The following TTC7A variants were observed in gnomAD, a reference collection of about 807,000 sequenced individuals.
TTC7A encodes the protein tetratricopeptide repeat protein 7A.
In TTC7A, 110 loss-of-function variants were observed where a neutral mutation model predicts 103.7. The observed-to-expected ratio is 1.06, with a 90% CI of 0.91 to 1.24. The LOEUF (loss-of-function observed/expected upper bound fraction) is 1.24. Among genes scored for constraint, TTC7A ranks in the 50% most tolerant of loss-of-function variants. The pLI is 0.00. For synonymous variants in TTC7A, 521 were observed against 467.9 expected, an observed-to-expected ratio of 1.11 and a Z score of -1.47; for missense variants, 1,340 against 1,116.3, an observed-to-expected ratio of 1.20 and a Z score of -2.86.
chr2:47,026,443 A>G (rs995448030), intron 14 of TTC7A, among the ~76,000 whole-genome samples: 3 of 152,174 alleles, frequency 2.0e-5, no homozygotes, highest in African/African-American at 7.2e-5. Flanking sequence ...CACAGCCTGC[A>G]CAGAGGCCAG....
upstream of TTC7A, among the ~76,000 whole-genome samples, chr2:46,940,061 A>G (rs1336082483): frequency 1.3e-5 from 2 of 152,130 alleles, no homozygotes; most frequent in African/African-American, 2.4e-5. This position sits in a 1 kb window ranked among gnomAD's most constrained non-coding sequence, Gnocchi z 4.7. Context: ...GTCGGGGGTC[A>G]GTGGGAACAG....
intron 3 of TTC7A, among the ~76,000 whole-genome samples, chr2:46,958,313 G>A (rs1672067328): frequency 6.6e-6 from 1 of 152,230 alleles, no homozygotes; most frequent in African/African-American, 2.4e-5. Context: ...TGCGCCTCTG[G>A]CACAGGCCAG....
chr2:46,942,726 T>C (rs1391014007), intron 1 of TTC7A, among the ~76,000 whole-genome samples: 1 of 152,194 alleles, frequency 6.6e-6, no homozygotes, highest in Non-Finnish European at 1.5e-5. Context: ...CCAGGATTTG[T>C]GCCCAGGTTT....
intron 5 of TTC7A, among the ~76,000 whole-genome samples, chr2:46,983,230 A>G (rs1400064084): frequency 6.6e-6 from 1 of 152,214 alleles, no homozygotes; most frequent in Non-Finnish European, 1.5e-5. Context: ...AGGGCCTGCC[A>G]TGGAGTCCTG....
At chr2:46,931,793 G>A (rs1019768617) in intron 2 of TTC7A, among the ~76,000 whole-genome samples, 29 of 152,252 alleles carry the variant, frequency 1.9e-4, no homozygotes, top group African/African-American at 6.3e-4. Flanking sequence ...CCAACACCTT[G>A]ATTTAGTTCA....
intron 11 of TTC7A, among the ~76,000 whole-genome samples, chr2:47,021,109 T>A (rs1388161054): frequency 6.6e-6 from 1 of 152,182 alleles, no homozygotes; most frequent in African/African-American, 2.4e-5. Context: ...AAACTGGCGT[T>A]TTCAATGACA....
intron 15 of TTC7A, among the ~76,000 whole-genome samples, chr2:47,041,966 C>G (rs1031998145): frequency 1.3e-5 from 2 of 151,892 alleles, no homozygotes; most frequent in African/African-American, 2.4e-5. Context: ...GAAGTCCCAC[C>G]AAGTATGAGA....
intron 11 of TTC7A, among the ~76,000 whole-genome samples, chr2:47,016,159 A>G (rs1343818272): frequency 1.3e-5 from 2 of 152,172 alleles, no homozygotes; most frequent in South Asian, 4.2e-4. Flanking sequence ...ACCAAATTCG[A>G]AACACTGGAG....
At chr2:46,949,316 A>T (rs1257506921) in intron 1 of TTC7A, among the ~76,000 whole-genome samples, 1 of 150,854 alleles carries the variant, frequency 6.6e-6, no homozygotes, top group Non-Finnish European at 1.5e-5. Flanking sequence ...GCTCACTGCA[A>T]CCTCCGTCTC....
Position 46,917,266 on chromosome 2 carries a change from G to A in TTC7A, c.71G>A (p.Trp24Ter), listed in dbSNP as rs1321173994. 3 of 687,812 alleles carry A rather than the reference G, an allele frequency of 4.4e-6. No individual in the cohort carries two copies. The highest frequency in any genetic ancestry group is 7.9e-6 in the Non-Finnish European group (3 of 380,778). The allele number at this position is 687,812 out of a possible 1,614,324, so 42.6% of individuals were successfully genotyped here. The change falls in exon 2 of 21, where the codon TGG becomes TAG. Residue 24 changes from tryptophan to a stop codon, truncating the protein, a stop_gained. Transcript: ENST00000409245. LOFTEE classifies it high-confidence loss of function. ...CACCACCTCCGCCTCCCAAAGTGCT[G>A]GGATTACAGGGGTGAGCCACCGCGC... is the stretch of plus-strand genomic sequence containing the variant.
intron 19 of TTC7A, among the ~76,000 whole-genome samples, chr2:47,063,078 A>G (rs1461493567): frequency 6.6e-6 from 1 of 152,240 alleles, no homozygotes; most frequent in Non-Finnish European, 1.5e-5. Context: ...TGAACACTTT[A>G]GTGAGTCGAT....
chr2:47,068,154 T>G (rs1312782085), intron 19 of TTC7A: 1 of 152,232 alleles, frequency 6.6e-6, no homozygotes, highest in East Asian at 1.9e-4. Flanking sequence ...CCTACCGCCA[T>G]GCCGGTTCAG....
chr2:46,987,809 CGTGTGT>C (rs34664382), intron 5 of TTC7A, among the ~76,000 whole-genome samples: 2,537 of 144,612 alleles, frequency 0.018, 51 homozygotes, highest in African/African-American at 0.045. Flanking sequence ...CCTTTCCGCG[CGTGTGT>C]GTGTGTGTGT....
intron 4 of TTC7A, among the ~76,000 whole-genome samples, chr2:46,976,857 T>G (rs1019859427): frequency 1.4e-4 from 22 of 152,226 alleles, no homozygotes; most frequent in Middle Eastern, 3.4e-3. Context: ...GTCTGCTTGA[T>G]TGGACTTTAG....
chr2:47,023,801 CAG>C (rs1161981847), intron 13 of TTC7A, among the ~76,000 whole-genome samples: 3 of 152,110 alleles, frequency 2.0e-5, no homozygotes, highest in African/African-American at 4.8e-5. Flanking sequence ...CTATGTGTAA[CAG>C]GGGCTCAAAA....
At chr2:47,008,454 A>G (rs905035513) in intron 10 of TTC7A, among the ~76,000 whole-genome samples, 5 of 152,200 alleles carry the variant, frequency 3.3e-5, no homozygotes, top group African/African-American at 7.2e-5. Flanking sequence ...GCCTGGCACC[A>G]TCCCAGCATC....
intron 11 of TTC7A, among the ~76,000 whole-genome samples, chr2:47,014,073 C>G (rs1678362431): frequency 6.6e-6 from 1 of 152,156 alleles, no homozygotes; most frequent in Non-Finnish European, 1.5e-5. Context: ...CTTTGAAACC[C>G]CAGCCCAGGG....
At chr2:46,973,495 A>G (rs1016330690) in intron 3 of TTC7A, among the ~76,000 whole-genome samples, 5 of 152,352 alleles carry the variant, frequency 3.3e-5, no homozygotes, top group South Asian at 4.1e-4. Flanking sequence ...CCACTGCCGC[A>G]GGTTGCCGGT....
In TTC7A at chr2:47,007,770, A is replaced by G. The variant is rs990651291; in HGVS notation, c.1287+1046A>G. On this transcript the variant is annotated intron_variant, in intron 10 of 19. Coordinates refer to ENST00000319190, the MANE Select transcript of TTC7A (RefSeq NM_020458.4). The surrounding 1 kb of genome is among the most constrained non-coding windows in gnomAD (Gnocchi z 4.9). Reference sequence around the variant, plus strand: ...CCTTCCCTACCCCCATCTGCTGGGCATGTGTCTTTCCAAACCTCTCTCCTC... The same window carrying G: ...CCTTCCCTACCCCCATCTGCTGGGCGTGTGTCTTTCCAAACCTCTCTCCTC... Among the ~76,000 whole-genome samples, 2 of 152,144 alleles carry G rather than the reference A, an allele frequency of 1.3e-5. No individual in the cohort carries two copies. Among genetic ancestry groups the G allele is most frequent in the African/African-American group, 4.8e-5 (2 of 41,436 alleles).
Sources: allele counts gnomAD v4.1 joint callset (sites outside exome capture counted in the v4.1 genomes callset), GRCh38; gene constraint gnomAD v4.1.1; non-coding constraint Gnocchi (gnomAD v3.1); transcripts MANE v1.5; gene names NCBI Gene and HGNC (gene_info 2026-07-23, HGNC 2026-07-21).